The following CALN1 variants were observed in gnomAD, a reference collection of about 807,000 sequenced individuals.
CALN1 encodes calcium-binding protein 8.
CALN1 carries 17 observed loss-of-function variants against 30.6 expected under a neutral mutation model. The ratio of observed to expected loss-of-function variants is 0.56; its 90% CI spans 0.38 to 0.83. The LOEUF (loss-of-function observed/expected upper bound fraction) is 0.83, where lower values mean the gene tolerates loss of function less well. CALN1 is among the 40% of genes least tolerant of loss of function. The pLI is 0.00. For synonymous variants in CALN1, 156 were observed against 131.4 expected (o/e 1.19, Z -1.28); for missense variants, 291 against 354.9 (o/e 0.82, Z 1.45).
the CALN1 span, among the ~76,000 whole-genome samples, chr7:72,478,942 C>T: frequency 2.7e-5 from 4 of 145,666 alleles, no homozygotes; most frequent in African/African-American, 1.1e-4. Context: ...AGTGCATTGG[C>T]GAGATCTTGG....
At chr7:71,804,820 G>A (rs2116113407) in intron 6 of CALN1, among the ~76,000 whole-genome samples, 1 of 152,238 alleles carries the variant, frequency 6.6e-6, no homozygotes, top group East Asian at 1.9e-4. Context: ...AAATTATCAG[G>A]ACGTGGTGGC....
At chr7:72,323,416 GAAATGC>G (rs1801033649) in intron 2 of CALN1, among the ~76,000 whole-genome samples, 4 of 152,090 alleles carry the variant, frequency 2.6e-5, no homozygotes, top group Admixed American at 1.3e-4. Flanking sequence ...CAGCTTGTTG[GAAATGC>G]CTGCTCCACG....
At chr7:72,183,928 C>T (rs529370655) in intron 3 of CALN1, among the ~76,000 whole-genome samples, 4 of 151,752 alleles carry the variant, frequency 2.6e-5, no homozygotes, top group African/African-American at 7.3e-5. Flanking sequence ...CTAGTAAAGT[C>T]GCTTCATGGA....
At chr7:71,985,376 G>T (rs951596177) in intron 5 of CALN1, among the ~76,000 whole-genome samples, 1 of 152,098 alleles carries the variant, frequency 6.6e-6, no homozygotes, top group African/African-American at 2.4e-5. Context: ...GGGTGCAGTA[G>T]TTCATGCCTG....
intron 5 of CALN1, among the ~76,000 whole-genome samples, chr7:71,851,251 AC>A (rs1329999893): frequency 1.3e-5 from 2 of 149,776 alleles, no homozygotes; most frequent in African/African-American, 2.5e-5. Flanking sequence ...ACACACACAC[AC>A]ATCACACATA....
intron 2 of CALN1, among the ~76,000 whole-genome samples, chr7:72,381,108 C>T (rs1363742295): frequency 1.3e-5 from 2 of 152,142 alleles, no homozygotes; most frequent in East Asian, 3.9e-4. Flanking sequence ...ACTAGAAGAG[C>T]TCTCCCAGAA....
chr7:71,892,878 G>C (rs532611040), intron 5 of CALN1, among the ~76,000 whole-genome samples: 28 of 152,226 alleles, frequency 1.8e-4, no homozygotes, highest in Non-Finnish European at 3.5e-4. Context: ...AATGACGTGA[G>C]AACCACGTCA....
intron 1 of CALN1, among the ~76,000 whole-genome samples, chr7:72,430,527 G>GATGTTGTT (rs938937364): frequency 6.6e-6 from 1 of 152,090 alleles, no homozygotes; most frequent in Admixed American, 6.6e-5. Flanking sequence ...CAACACTTGG[G>GATGTTGTT]ATGTTGTTAC....
At chr7:72,430,910 C>T (rs144660902) in intron 1 of CALN1, among the ~76,000 whole-genome samples, 5 of 151,914 alleles carry the variant, frequency 3.3e-5, no homozygotes, top group African/African-American at 4.8e-5. Flanking sequence ...CAAAATTCCT[C>T]GCCCAGTGCT....
At chr7:72,337,349 TCCAATGGCTCCCTCGGTTTCCAAG>T in intron 2 of CALN1, 1 of 940,418 alleles carries the variant, frequency 1.1e-6, no homozygotes, top group Non-Finnish European at 1.3e-6. Context: ...CCTCCGCCTC[TCCAATGGCTCCCTCGGTTTCCAAG>T]CAGCGCAACC....
At chr7:72,441,597 CAAAAAA>C (rs56230554) in intron 1 of CALN1, among the ~76,000 whole-genome samples, 1 of 79,534 alleles carries the variant, frequency 1.3e-5, no homozygotes, top group East Asian at 5.3e-4. Flanking sequence ...CACTCCGTCT[CAAAAAA>C]AAAAAAAAAA....
At chr7:72,185,500 G>C (rs1195644460) in intron 3 of CALN1, among the ~76,000 whole-genome samples, 1 of 152,162 alleles carries the variant, frequency 6.6e-6, no homozygotes, top group Non-Finnish European at 1.5e-5. Flanking sequence ...GGTAAGTAGA[G>C]TAATGGCCCT....
chr7:72,481,362 T>C, the CALN1 span, among the ~76,000 whole-genome samples: 1 of 152,242 alleles, frequency 6.6e-6, no homozygotes, highest in Non-Finnish European at 1.5e-5. Context: ...GGGCTGGGAT[T>C]ATAAGCATGA....
intron 2 of CALN1, among the ~76,000 whole-genome samples, chr7:72,361,213 C>G (rs1024866233): frequency 6.6e-6 from 1 of 152,152 alleles, no homozygotes; most frequent in African/African-American, 2.4e-5. Flanking sequence ...TCCAGCCCCA[C>G]GCCTGGAGAC....
intron 3 of CALN1, among the ~76,000 whole-genome samples, chr7:72,211,460 T>C (rs1296910900): frequency 6.6e-6 from 1 of 152,188 alleles, no homozygotes. Flanking sequence ...AGAGATCACA[T>C]GCAAAGCATC....
intron 3 of CALN1, among the ~76,000 whole-genome samples, chr7:72,276,509 C>G (rs1052291739): frequency 2.0e-5 from 3 of 152,120 alleles, no homozygotes; most frequent in African/African-American, 7.2e-5. Flanking sequence ...GTTTGAATGT[C>G]CCTTCCAAAC....
At chr7:72,229,371 G>A (rs1046137776) in intron 3 of CALN1, among the ~76,000 whole-genome samples, 4 of 152,040 alleles carry the variant, frequency 2.6e-5, no homozygotes, top group Admixed American at 1.3e-4. Context: ...TGTAATCCCA[G>A]CACTTGGGAG....
intron 2 of CALN1, among the ~76,000 whole-genome samples, chr7:72,341,050 G>A (rs935175396): frequency 3.3e-5 from 5 of 152,042 alleles, no homozygotes; most frequent in Non-Finnish European, 7.4e-5. Context: ...CATACAGAAG[G>A]TATTATATTT....
chr7:71,983,980 G>A (rs139405496), intron 5 of CALN1, among the ~76,000 whole-genome samples: 70 of 151,984 alleles, frequency 4.6e-4, no homozygotes, highest in African/African-American at 1.4e-3. Context: ...GATGATAACC[G>A]CGCCAAAAGA....
Sources: allele counts gnomAD v4.1 joint callset (sites outside exome capture counted in the v4.1 genomes callset), GRCh38; gene constraint gnomAD v4.1.1; transcripts MANE v1.5; gene names NCBI Gene and HGNC (gene_info 2026-07-23, HGNC 2026-07-21).